Variants in USP13 observed in about 807,000 individuals in gnomAD.
USP13 encodes ubiquitin specific peptidase 13.
Under a neutral mutation model 107.8 loss-of-function variants are expected in USP13, and 68 were observed. The observed-to-expected ratio is 0.63, with a 90% CI of 0.52 to 0.77. The LOEUF (loss-of-function observed/expected upper bound fraction) is 0.77. Ranked by LOEUF, USP13 falls within the 30% of genes least tolerant of loss-of-function variation. The pLI is 0.00. For synonymous variants in USP13, 377 were observed against 389.5 expected (o/e 0.97, Z 0.38); for missense variants, 945 against 1,093.3 (o/e 0.86, Z 1.91).
intron 1 of USP13, among the ~76,000 whole-genome samples, chr3:179,660,772 A>C (rs1306001768): frequency 6.6e-6 from 1 of 152,266 alleles, no homozygotes. Flanking sequence ...GATACAAGGT[A>C]GTAAAGCAAA....
intron 14 of USP13, among the ~76,000 whole-genome samples, 187 bp downstream of exon 14, chr3:179,752,560 C>T (rs1290085118): frequency 3.9e-5 from 6 of 152,230 alleles, no homozygotes; most frequent in Non-Finnish European, 4.4e-5. Context: ...TGCTTACCCA[C>T]CCCTCCAGTT....
intron 16 of USP13, among the ~76,000 whole-genome samples, chr3:179,757,346 C>T (rs1181815777): frequency 6.6e-6 from 1 of 152,082 alleles, no homozygotes; most frequent in Non-Finnish European, 1.5e-5. Flanking sequence ...GAGTAATTTA[C>T]TTACCTTCTC....
intron 5 of USP13, among the ~76,000 whole-genome samples, chr3:179,708,186 T>G (rs1431202492): frequency 1.3e-5 from 2 of 152,268 alleles, no homozygotes; most frequent in Non-Finnish European, 1.5e-5. Flanking sequence ...TCTCCTAGCC[T>G]GAAGTTTTGT....
At chr3:179,700,580 CA>C (rs1179504861) in intron 3 of USP13, among the ~76,000 whole-genome samples, 2 of 149,686 alleles carry the variant, frequency 1.3e-5, no homozygotes, top group Non-Finnish European at 1.5e-5. Context: ...TATGATGTTG[CA>C]AAAAAAAACC....
At chr3:179,663,616 T>G (rs1278863584) in intron 1 of USP13, among the ~76,000 whole-genome samples, 2 of 152,196 alleles carry the variant, frequency 1.3e-5, no homozygotes, top group Non-Finnish European at 2.9e-5. Flanking sequence ...CACACTACAC[T>G]CTTGGATATT....
intron 13 of USP13, among the ~76,000 whole-genome samples, chr3:179,748,186 C>T (rs1714476368): frequency 6.6e-6 from 1 of 152,174 alleles, no homozygotes; most frequent in Non-Finnish European, 1.5e-5. Flanking sequence ...AAGTAATTGG[C>T]CAGTAAGTGG....
intron 13 of USP13, among the ~76,000 whole-genome samples, chr3:179,746,656 T>C (rs1714420136): frequency 6.6e-6 from 1 of 152,194 alleles, no homozygotes; most frequent in Non-Finnish European, 1.5e-5. Flanking sequence ...GGTCTCGAAC[T>C]CCCAACCTCA....
In USP13 at chr3:179,653,627, CG is replaced by C; in HGVS notation, c.168+235del. The stretch of plus-strand genomic sequence containing the variant: ...CCAGCCTCCCCAGGCTGGAAGGGCC[CG>C]ATTCCCAGCAGCTTGCACACAGCCC... On this transcript the variant is annotated intron_variant, in intron 1 of 20. Transcript: ENST00000263966. The surrounding 1 kb of genome is among the most constrained non-coding windows in gnomAD (Gnocchi z 4.0). 1 of 547,404 alleles carries C rather than the reference CG, an allele frequency of 1.8e-6. No homozygotes were observed. The highest frequency in any genetic ancestry group is 2.3e-5 in the South Asian group (1 of 43,064). The allele number at this position is 547,404 out of a possible 1,614,324, so 33.9% of individuals were successfully genotyped here.
At chr3:179,682,508 A>G (rs1013108680) in intron 2 of USP13, among the ~76,000 whole-genome samples, 8 of 152,166 alleles carry the variant, frequency 5.3e-5, no homozygotes, top group African/African-American at 1.7e-4. Flanking sequence ...CAAGAACAAT[A>G]TATAGTATAA....
At chr3:179,704,008 C>T (rs949390127) in intron 4 of USP13, among the ~76,000 whole-genome samples, 1 of 152,120 alleles carries the variant, frequency 6.6e-6, no homozygotes, top group African/African-American at 2.4e-5. Context: ...CTTACAAAGG[C>T]ATGGGATGGA....
chr3:179,778,735 C>A (rs1229932231), intron 19 of USP13, among the ~76,000 whole-genome samples: 1 of 151,664 alleles, frequency 6.6e-6, no homozygotes, highest in Non-Finnish European at 1.5e-5. Flanking sequence ...CATTGCATTC[C>A]AGCCTGGGTA....
At chr3:179,686,207 C>T (rs749470740) in intron 2 of USP13, among the ~76,000 whole-genome samples, 3 of 152,170 alleles carry the variant, frequency 2.0e-5, no homozygotes, top group Non-Finnish European at 4.4e-5. Context: ...TTGGTATCCT[C>T]ATCATACTCA....
chr3:179,683,441 T>C (rs759964164), intron 2 of USP13, among the ~76,000 whole-genome samples: 22 of 152,276 alleles, frequency 1.4e-4, no homozygotes, highest in Non-Finnish European at 2.5e-4. Flanking sequence ...ATTGGGCAAT[T>C]TACAAAAGAA....
At position 179,765,703 on chromosome 3, in the gene USP13, C is replaced by A. The variant is rs764824180; in HGVS notation, c.2268C>A (p.Asn756Lys). 14 of 1,613,960 alleles carry A rather than the reference C, an allele frequency of 8.7e-6. No homozygotes were observed. The highest frequency in any genetic ancestry group is 1.1e-5 in the Non-Finnish European group (13 of 1,179,950). ...TTCTTTTTTGTTGTTAGAATAATAA[C>A]CTGGAAAGAGCACTGGATTGGATCT... ...AIQALRATNNNLERALDWIFS... is the reference protein window; with the variant it reads ...AIQALRATNNKLERALDWIFS... The change falls in exon 19 of 21, where the codon AAC becomes AAA. Residue 756 changes from asparagine to lysine, a missense_variant. Asn to Lys is a moderately conservative substitution (Grantham distance 94). Transcript: ENST00000263966.
Position 179,721,318 on chromosome 3 carries a change from A to G in USP13, c.901-84A>G, listed in dbSNP as rs1456914556. ...GGGAAAAAAATGGCAGAAACATCCT[A>G]TGCTGTTAGAAATAATTAACGGGAC... is the stretch of plus-strand genomic sequence containing the variant. On this transcript the variant is annotated intron_variant, in intron 7 of 20. Coordinates refer to ENST00000263966, the MANE Select transcript of USP13 (RefSeq NM_003940.3). This position sits in a 1 kb window ranked among gnomAD's most constrained non-coding sequence, Gnocchi z 4.3. The G allele has an allele frequency of 4.8e-6, 7 of 1,454,292 alleles. No individual in the cohort carries two copies. Among genetic ancestry groups the G allele is most frequent in the Admixed American group, 2.1e-5 (1 of 47,852 alleles). The allele number at this position is 1,454,292 out of a possible 1,614,324, so 90.1% of individuals were successfully genotyped here.
At chr3:179,751,696 A>G (rs147017811) in intron 13 of USP13, among the ~76,000 whole-genome samples, 3 of 152,334 alleles carry the variant, frequency 2.0e-5, no homozygotes, top group African/African-American at 7.2e-5. Context: ...CAGCAAAGTA[A>G]AAGTAACAAT....
chr3:179,690,104 T>C (rs1247750057), intron 2 of USP13, 137 bp from the exon 3 acceptor site: 2 of 743,220 alleles, frequency 2.7e-6, no homozygotes, highest in Admixed American at 5.8e-5. Context: ...TCCCTGTTTA[T>C]CCTGGAATTG....
At chr3:179,710,576 T>G (rs890316743) in intron 6 of USP13, among the ~76,000 whole-genome samples, 22 of 152,250 alleles carry the variant, frequency 1.4e-4, no homozygotes, top group African/African-American at 5.3e-4. Flanking sequence ...AAATCTTACA[T>G]GTCTTAGGCA....
intron 8 of USP13, among the ~76,000 whole-genome samples, 186 bp from the exon 9 acceptor site, chr3:179,730,000 TAGA>T (rs987901857): frequency 6.6e-6 from 1 of 152,236 alleles, no homozygotes; most frequent in African/African-American, 2.4e-5. Context: ...GACCCACTGA[TAGA>T]AGCATAAACG....
Sources: gnomAD v4.1 joint callset for allele counts (sites outside exome capture counted in the v4.1 genomes callset) on GRCh38, gnomAD v4.1.1 for gene constraint, Gnocchi (gnomAD v3.1) non-coding constraint, MANE v1.5 for transcripts, NCBI Gene and HGNC (gene_info 2026-07-23, HGNC 2026-07-21) for gene names.